NEBL: variants seen among roughly 807,000 people sequenced by gnomAD.
NEBL encodes nebulette.
A neutral mutation model predicts 140.2 loss-of-function variants in NEBL; 122 were observed. The ratio of observed to expected loss-of-function variants is 0.87; its 90% CI spans 0.75 to 1.01. NEBL has a LOEUF of 1.01. Among genes scored for constraint, NEBL ranks in the 50% least tolerant of loss-of-function variants. NEBL has a pLI of 0.00. For synonymous variants in NEBL, 436 were observed against 398.9 expected (o/e 1.09, Z -1.11); for missense variants, 1,365 against 1,231.3 (o/e 1.11, Z -1.62).
At chr10:21,243,786 A>G (rs1842475013) in intron 3 of NEBL, among the ~76,000 whole-genome samples, 1 of 152,328 alleles carries the variant, frequency 6.6e-6, no homozygotes, top group African/African-American at 2.4e-5. Flanking sequence ...CAATGGGGAC[A>G]TTCTGCACAC....
At chr10:21,231,524 G>A (rs1842250384) in intron 3 of NEBL, among the ~76,000 whole-genome samples, 1 of 151,868 alleles carries the variant, frequency 6.6e-6, no homozygotes, top group Non-Finnish European at 1.5e-5. Flanking sequence ...GGGCAACAGA[G>A]CGAGACTCTG....
At chr10:21,065,756 T>A (rs1434124910) in intron 2 of NEBL, among the ~76,000 whole-genome samples, 2 of 152,170 alleles carry the variant, frequency 1.3e-5, no homozygotes, top group African/African-American at 4.8e-5. Flanking sequence ...CCAGGGGCTG[T>A]GAGCAGATGG....
rs547301530 is a variant in NEBL at position 20,845,118 on chromosome 10, A to G, written c.1227+140T>C. 5.2e-5 allele frequency: 31 copies of G among 600,096 alleles called. No homozygotes were observed. In the East Asian group the frequency reaches 7.6e-4, roughly 15 times the overall value. The allele number at this position is 600,096 out of a possible 1,614,324, so 37.2% of individuals were successfully genotyped here. A position where few individuals can be genotyped will look rare whatever the true frequency, so the allele number is the denominator to read the frequency against. ...GTTTCTAATGAAAATGCAACACTTT[A>G]TTAGTGAAGATCAAAGTGAAAAAAA... is the stretch of plus-strand genomic sequence containing the variant. On this transcript the variant is annotated intron_variant, in intron 12 of 27. Transcript: ENST00000377122.
At chr10:21,025,440 C>T (rs1246820289) in intron 2 of NEBL, among the ~76,000 whole-genome samples, 1 of 152,106 alleles carries the variant, frequency 6.6e-6, no homozygotes, top group South Asian at 2.1e-4. Context: ...TAGAAGACTG[C>T]ATCTGAAATA....
chr10:21,076,230 A>G (rs1836068855), intron 2 of NEBL, among the ~76,000 whole-genome samples: 1 of 151,980 alleles, frequency 6.6e-6, no homozygotes, highest in Non-Finnish European at 1.5e-5. Context: ...ATCACCTGAG[A>G]TTAGGGGTTC....
chr10:20,851,599 C>A (rs1414549132), intron 10 of NEBL, among the ~76,000 whole-genome samples: 1 of 150,982 alleles, frequency 6.6e-6, no homozygotes, highest in Non-Finnish European at 1.5e-5. Context: ...TATAGTGAAA[C>A]CCCGTCTTTA....
chr10:21,029,832 G>A, intron 2 of NEBL: 1 of 697,402 alleles, frequency 1.4e-6, no homozygotes, highest in Non-Finnish European at 2.6e-6. Context: ...ATAGGCAGTG[G>A]CAGAAGGGCA....
chr10:21,103,493 A>G (rs552909534), intron 2 of NEBL, among the ~76,000 whole-genome samples: 12 of 152,226 alleles, frequency 7.9e-5, no homozygotes, highest in East Asian at 7.7e-4. Flanking sequence ...GATTACAGGC[A>G]TGAGCCACCG....
intron 2 of NEBL, among the ~76,000 whole-genome samples, chr10:21,162,900 C>A (rs575925090): frequency 6.6e-6 from 1 of 152,314 alleles, no homozygotes; most frequent in East Asian, 1.9e-4. Flanking sequence ...AGTAAAGGGT[C>A]AAATCACTGT....
intron 5 of NEBL, among the ~76,000 whole-genome samples, chr10:20,870,232 A>G (rs1329897282): frequency 6.6e-6 from 1 of 150,904 alleles, no homozygotes; most frequent in Non-Finnish European, 1.5e-5. Context: ...AGGCTGAGGA[A>G]GGAAAATCGC....
At chr10:21,199,498 C>A (rs1841701092) in intron 3 of NEBL, among the ~76,000 whole-genome samples, 1 of 152,034 alleles carries the variant, frequency 6.6e-6, no homozygotes, top group Non-Finnish European at 1.5e-5. Context: ...AAGTGGAAGC[C>A]CCCTTAAATG....
intron 3 of NEBL, among the ~76,000 whole-genome samples, chr10:21,229,214 A>G (rs1842211520): frequency 6.6e-6 from 1 of 152,310 alleles, no homozygotes; most frequent in Non-Finnish European, 1.5e-5. Context: ...TGAGCCCAGG[A>G]GTTACAGACA....
At chr10:21,242,026 A>T (rs992403254) in intron 3 of NEBL, among the ~76,000 whole-genome samples, 1 of 151,976 alleles carries the variant, frequency 6.6e-6, no homozygotes, top group Non-Finnish European at 1.5e-5. Flanking sequence ...ACATAGTGAA[A>T]CCCCATGTGT....
chr10:20,917,090 G>A (rs568150647), intron 4 of NEBL, among the ~76,000 whole-genome samples: 2 of 152,230 alleles, frequency 1.3e-5, no homozygotes, highest in South Asian at 4.1e-4. Context: ...CTGATTATGG[G>A]AACTAGACCT....
chr10:21,117,260 A>C (rs1838329675), intron 2 of NEBL, among the ~76,000 whole-genome samples: 1 of 151,618 alleles, frequency 6.6e-6, no homozygotes, highest in Non-Finnish European at 1.5e-5. Context: ...AAAACAAACT[A>C]TTGAGCTCCT....
chr10:20,872,031 G>GGAA (rs1844991771), intron 5 of NEBL, among the ~76,000 whole-genome samples: 2 of 152,058 alleles, frequency 1.3e-5, no homozygotes, highest in Non-Finnish European at 2.9e-5. Context: ...ACCGCAGGGG[G>GGAA]GAAATGTCTT....
chr10:20,857,628 G>T (rs1843215724), intron 9 of NEBL, among the ~76,000 whole-genome samples: 2 of 152,156 alleles, frequency 1.3e-5, no homozygotes, highest in South Asian at 4.1e-4. Context: ...TGTGCTATGG[G>T]TTGAAACAGC....
At chr10:20,888,664 G>GTGGGT (rs1846750638) in intron 3 of NEBL, among the ~76,000 whole-genome samples, 3 of 152,066 alleles carry the variant, frequency 2.0e-5, no homozygotes, top group Non-Finnish European at 4.4e-5. Context: ...TGTTGTTTAT[G>GTGGGT]TGCCTACCCA....
At chr10:21,241,287 A>AAT (rs1205641646) in intron 3 of NEBL, among the ~76,000 whole-genome samples, 2 of 145,724 alleles carry the variant, frequency 1.4e-5, no homozygotes, top group Non-Finnish European at 3.0e-5. Flanking sequence ...TAAATAAATA[A>AAT]AAATAAAAAT....
Sources: gnomAD v4.1 joint callset for allele counts (sites outside exome capture counted in the v4.1 genomes callset) on GRCh38, gnomAD v4.1.1 for gene constraint, MANE v1.5 for transcripts, NCBI Gene and HGNC (gene_info 2026-07-23, HGNC 2026-07-21) for gene names.